Variants in RPL5 observed in about 807,000 individuals in gnomAD.
RPL5 encodes the protein large ribosomal subunit protein uL18.
A neutral mutation model predicts 38.4 loss-of-function variants in RPL5; 1 was observed. That is an observed-to-expected ratio of 0.03 (90% CI 0.01 to 0.12). The LOEUF (loss-of-function observed/expected upper bound fraction) is 0.12, where lower values mean the gene tolerates loss of function less well. RPL5 is among the 10% of genes least tolerant of loss of function. The pLI is 1.00. For synonymous variants in RPL5, 109 were observed against 121.2 expected, an observed-to-expected ratio of 0.90 and a Z score of 0.66; for missense variants, 243 against 374.1, an observed-to-expected ratio of 0.65 and a Z score of 2.89.
At chr1:92,840,443 A>G (rs1371937691) in intron 6 of RPL5, 108 bp from the exon 7 acceptor site, 1 of 809,700 alleles carries the variant, frequency 1.2e-6, no homozygotes, top group African/African-American at 1.7e-5. Context: ...GATTTAGTTT[A>G]GTTCCTTTTG....
chr1:92,836,966 C>A, intron 5 of RPL5: 1 of 228,652 alleles, frequency 4.4e-6, no homozygotes. Context: ...GTGATTTAAC[C>A]AAGAAATAGT....
chr1:92,837,266 G>C, intron 5 of RPL5, 190 bp from the exon 6 acceptor site: 1 of 768,180 alleles, frequency 1.3e-6, no homozygotes, highest in East Asian at 2.5e-5. Flanking sequence ...TTTCTTTTCT[G>C]TCCTGGAATT....
intron 3 of RPL5, 79 bp downstream of exon 3, chr1:92,833,739 GTT>G (rs1687008233): frequency 8.7e-7 from 1 of 1,146,468 alleles, no homozygotes; most frequent in East Asian, 2.4e-5. Flanking sequence ...TGGTGTGTGT[GTT>G]AGAAGGGCTG....
At position 92,837,593 on chromosome 1, in the gene RPL5, A is replaced by G; in HGVS notation, c.665A>G (p.Gln222Arg). The G allele has an allele frequency of 6.2e-7, 1 of 1,612,166 alleles. No homozygotes were observed. The highest frequency in any genetic ancestry group is 8.5e-7 in the Non-Finnish European group (1 of 1,179,784). The stretch of plus-strand genomic sequence containing the variant: ...GAAGATGAAGATGCTTACAAGAAAC[A>G]GTTCTCTCAATACATAAAGAACAGC... ...MEEDEDAYKK[Q>R]FSQYIKNSVT... Residue 222 changes from glutamine to arginine, a missense_variant, in exon 6 of 8, where the codon CAG (glutamine) becomes CGG (arginine). Physicochemically the swap from Gln to Arg is conservative, Grantham distance 43 (BLOSUM62 1). Transcript: ENST00000370321.
intron 7 of RPL5, chr1:92,840,870 T>G (rs868381977): frequency 1.6e-6 from 1 of 631,800 alleles, no homozygotes; most frequent in Middle Eastern, 2.6e-4. Context: ...GGTTACTGCA[T>G]TTTTTTATTG....
upstream of RPL5, chr1:92,832,031 G>A (rs1571020673): frequency 1.8e-5 from 29 of 1,598,246 alleles, no homozygotes; most frequent in Middle Eastern, 1.6e-4. Context: ...CCTGCGCAAG[G>A]GCTGTGGCCC....
intron 1 of RPL5, chr1:92,832,674 C>T (rs1686955907): frequency 2.9e-6 from 1 of 348,744 alleles, no homozygotes; most frequent in African/African-American, 2.1e-5. Flanking sequence ...CCCGGAAGCT[C>T]CTTTAACATG....
intron 1 of RPL5, 194 bp from the exon 2 acceptor site, chr1:92,833,195 C>G: frequency 1.5e-6 from 1 of 650,764 alleles, no homozygotes; most frequent in Admixed American, 2.6e-5. Context: ...TTTTATGAAA[C>G]TACTAGTCTG....
intron 1 of RPL5, 193 bp from the exon 2 acceptor site, chr1:92,833,196 T>C: frequency 1.5e-6 from 1 of 651,832 alleles, no homozygotes; most frequent in East Asian, 2.7e-5. Context: ...TTTATGAAAC[T>C]ACTAGTCTGT....
Position 92,835,204 on chromosome 1 carries a change from T to TCTA in RPL5, c.324+294_324+296dup, listed in dbSNP as rs543570960. The TCTA allele has an allele frequency of 3.7e-4, 177 of 478,120 alleles. 1 individual carries two copies. Among genetic ancestry groups the TCTA allele is most frequent in the African/African-American group, 3.3e-3 (170 of 51,130 alleles). 29.6% of individuals were successfully genotyped at this position (478,120 alleles called of 1,614,324 possible). ...TTTGAAAATCCACTTGTAGCTAGTG[T>TCTA]CTACTTAATTGGACAATGAAGACCC... is the stretch of plus-strand genomic sequence containing the variant. On this transcript the variant is annotated intron_variant, in intron 4 of 7. Transcript: ENST00000370321.
chr1:92,835,660 CAAAA>C (rs11417383), intron 4 of RPL5, among the ~76,000 whole-genome samples: 1 of 123,394 alleles, frequency 8.1e-6, no homozygotes, highest in Non-Finnish European at 1.6e-5. Context: ...AACTGTGTCT[CAAAA>C]AAAAAAAAAA....
intron 1 of RPL5, chr1:92,832,362 TGAGTTTAG>T: frequency 1.5e-6 from 1 of 649,804 alleles, no homozygotes; most frequent in Non-Finnish European, 2.8e-6. Flanking sequence ...GGGAGAAGGG[TGAGTTTAG>T]TAGACAGCCT....
intron 1 of RPL5, chr1:92,832,916 T>C (rs1204201992): frequency 4.4e-6 from 3 of 676,062 alleles, no homozygotes; most frequent in South Asian, 1.6e-5. Flanking sequence ...TAGTTGTTAT[T>C]TGAGGCTAGG....
At chr1:92,834,354 AAG>A (rs1378332524) in intron 3 of RPL5, among the ~76,000 whole-genome samples, 1 of 152,202 alleles carries the variant, frequency 6.6e-6, no homozygotes, top group Non-Finnish European at 1.5e-5. Context: ...CTCTTGTACT[AAG>A]AGCATTCTCA....
intron 1 of RPL5, chr1:92,832,783 C>G: frequency 1.9e-6 from 1 of 520,988 alleles, no homozygotes; most frequent in Non-Finnish European, 3.4e-6. Context: ...GTTGCTTTAG[C>G]TGATGGGGAA....
At chr1:92,833,491 T>C (rs764987679) in intron 2 of RPL5, 33 bp downstream of exon 2, 1 of 1,612,918 alleles carries the variant, frequency 6.2e-7, no homozygotes, top group South Asian at 1.1e-5. Context: ...ACAATATTAA[T>C]CTGCTTTGCA....
upstream of RPL5, chr1:92,832,002 G>A (rs993255566): frequency 2.7e-5 from 41 of 1,527,998 alleles, no homozygotes; most frequent in African/African-American, 4.1e-5. Flanking sequence ...TGGCGTGACC[G>A]TCCGCGCTAC....
At chr1:92,832,011 A>G (rs1261435554), upstream of RPL5, 2 of 1,560,758 alleles carry the variant, frequency 1.3e-6, no homozygotes, top group South Asian at 2.3e-5. Flanking sequence ...CGTCCGCGCT[A>G]CATACTGCGC....
chr1:92,841,721 C>T (rs758657195), intron 7 of RPL5, 45 bp from the exon 8 acceptor site: 1 of 1,230,318 alleles, frequency 8.1e-7, no homozygotes, highest in Non-Finnish European at 1.2e-6. Context: ...ATATTCTATT[C>T]TCTTCAGTTA....
Sources: gnomAD v4.1 joint callset for allele counts (sites outside exome capture counted in the v4.1 genomes callset) on GRCh38, gnomAD v4.1.1 for gene constraint, MANE v1.5 for transcripts, NCBI Gene and HGNC (gene_info 2026-07-23, HGNC 2026-07-21) for gene names.